FSTL5: variants seen among roughly 807,000 people sequenced by gnomAD.
FSTL5 encodes follistatin like 5.
In FSTL5, 62 loss-of-function variants were observed where a neutral mutation model predicts 89.1. The ratio of observed to expected loss-of-function variants is 0.70; its 90% CI spans 0.57 to 0.86. The LOEUF is 0.86. Among genes scored for constraint, FSTL5 ranks in the 40% least tolerant of loss-of-function variants. The probability of loss-of-function intolerance (pLI) is 0.00; values close to 1 mark genes in which losing one functional copy is unlikely to be tolerated. For missense variants in FSTL5, 1,057 were observed against 1,001.6 expected, an observed-to-expected ratio of 1.06 and a Z score of -0.75; for synonymous variants, 383 against 346.2, an observed-to-expected ratio of 1.11 and a Z score of -1.18.
intron 6 of FSTL5, among the ~76,000 whole-genome samples, chr4:161,659,643 C>A (rs183157405): frequency 5.9e-5 from 9 of 152,178 alleles, no homozygotes; most frequent in Admixed American, 4.6e-4. Context: ...AAAACAACAG[C>A]TATGAATCAA....
At chr4:161,767,413 C>T (rs1741051186) in intron 5 of FSTL5, among the ~76,000 whole-genome samples, 1 of 152,126 alleles carries the variant, frequency 6.6e-6, no homozygotes, top group South Asian at 2.1e-4. Flanking sequence ...TTTGTCGAGG[C>T]TTTTCAGGGA....
intron 3 of FSTL5, among the ~76,000 whole-genome samples, chr4:161,996,385 A>G (rs1736294799): frequency 6.6e-6 from 1 of 152,098 alleles, no homozygotes; most frequent in Non-Finnish European, 1.5e-5. Context: ...AGTCATCTAC[A>G]TCTCTTCCTT....
chr4:161,888,306 C>A (rs919129463), intron 4 of FSTL5, among the ~76,000 whole-genome samples: 2 of 152,048 alleles, frequency 1.3e-5, no homozygotes, highest in South Asian at 4.1e-4. Flanking sequence ...CTTGCCCATT[C>A]ACTTGGTGAA....
At chr4:161,719,296 C>T (rs984052600) in intron 6 of FSTL5, among the ~76,000 whole-genome samples, 5 of 152,052 alleles carry the variant, frequency 3.3e-5, no homozygotes, top group Non-Finnish European at 5.9e-5. Context: ...ATTTAATTGG[C>T]CTATATGCCT....
intron 1 of FSTL5, among the ~76,000 whole-genome samples, chr4:162,157,409 A>G (rs1333972855): frequency 6.6e-6 from 1 of 152,070 alleles, no homozygotes; most frequent in African/African-American, 2.4e-5. Flanking sequence ...TGTCCAGCAG[A>G]CCTTTGTAAA....
intron 4 of FSTL5, among the ~76,000 whole-genome samples, chr4:161,811,467 G>A (rs1730144469): frequency 6.6e-6 from 1 of 152,010 alleles, no homozygotes; most frequent in Non-Finnish European, 1.5e-5. Flanking sequence ...CATCAAAATT[G>A]AATCTAAATT....
chr4:161,388,983 C>T (rs1730734543), intron 15 of FSTL5, among the ~76,000 whole-genome samples: 1 of 152,088 alleles, frequency 6.6e-6, no homozygotes, highest in Admixed American at 6.6e-5. Context: ...AAAATTACAT[C>T]TATTTTAGCA....
intron 4 of FSTL5, among the ~76,000 whole-genome samples, chr4:161,909,264 G>A (rs935844310): frequency 3.3e-5 from 5 of 152,108 alleles, no homozygotes; most frequent in African/African-American, 7.2e-5. Context: ...ACAATAAAGC[G>A]GACATAACAT....
At chr4:161,859,610 A>T (rs1731835384) in intron 4 of FSTL5, among the ~76,000 whole-genome samples, 1 of 152,238 alleles carries the variant, frequency 6.6e-6, no homozygotes, top group Admixed American at 6.5e-5. Flanking sequence ...ATTCAAACTG[A>T]TCAGCTATGT....
intron 1 of FSTL5, among the ~76,000 whole-genome samples, chr4:162,115,026 A>G (rs1561026975): frequency 6.6e-6 from 1 of 152,284 alleles, no homozygotes; most frequent in East Asian, 1.9e-4. Flanking sequence ...ACTAATATTA[A>G]AAGTCAGATC....
Position 161,415,653 on chromosome 4 carries a change from C to CATAT in FSTL5, c.1842-29208_1842-29205dup, listed in dbSNP as rs200742664. The stretch of plus-strand genomic sequence containing the variant: ...GAGATATGTTGTATTATAGGGGATA[C>CATAT]ATATATATATAGAGAGAGAGAGAGA... On this transcript the variant is annotated intron_variant, in intron 15 of 15. Coordinates refer to ENST00000306100, the MANE Select transcript of FSTL5 (RefSeq NM_020116.5). 7.6e-4 allele frequency among the ~76,000 whole-genome samples: 112 copies of CATAT among 147,872 alleles called. 1 individual carries two copies. Among genetic ancestry groups the CATAT allele is most frequent in the African/African-American group, 2.0e-3 (78 of 39,998 alleles).
chr4:162,126,866 A>T (rs928466709), intron 1 of FSTL5, among the ~76,000 whole-genome samples: 1 of 152,088 alleles, frequency 6.6e-6, no homozygotes, highest in Non-Finnish European at 1.5e-5. Context: ...GACAGATGGT[A>T]CGTGTTTGTC....
At chr4:161,506,937 A>G (rs1158681745) in intron 11 of FSTL5, among the ~76,000 whole-genome samples, 1 of 152,172 alleles carries the variant, frequency 6.6e-6, no homozygotes, top group Admixed American at 6.5e-5. Flanking sequence ...ATAAATTTAG[A>G]AAGAATAAAA....
At chr4:162,137,033 T>G (rs1232733719) in intron 1 of FSTL5, among the ~76,000 whole-genome samples, 1 of 152,066 alleles carries the variant, frequency 6.6e-6, no homozygotes, top group East Asian at 1.9e-4. Flanking sequence ...TAGTGGGTAT[T>G]AAGCAAAACA....
chr4:161,566,097 G>T (rs1326153075), intron 8 of FSTL5, among the ~76,000 whole-genome samples: 115 of 23,394 alleles, frequency 4.9e-3, no homozygotes, highest in Middle Eastern at 0.031. Flanking sequence ...CTTTTTTTTT[G>T]GACTATATAT....
intron 10 of FSTL5, among the ~76,000 whole-genome samples, chr4:161,512,344 T>C (rs1466182289): frequency 6.6e-6 from 1 of 152,114 alleles, no homozygotes; most frequent in Admixed American, 6.6e-5. Context: ...ATAGAACCTA[T>C]ATTCTAATTG....
At chr4:161,526,948 A>G (rs978871595) in intron 10 of FSTL5, among the ~76,000 whole-genome samples, 1 of 152,080 alleles carries the variant, frequency 6.6e-6, no homozygotes, top group African/African-American at 2.4e-5. Context: ...TTGGTGCCAT[A>G]TGAACTTTAG....
chr4:161,660,502 C>T (rs7698343), intron 6 of FSTL5, among the ~76,000 whole-genome samples: 30,336 of 151,948 alleles, frequency 0.2, 3,197 homozygotes, highest in Middle Eastern at 0.34. Flanking sequence ...TTCAGGGATA[C>T]ATGTATGGGT....
intron 11 of FSTL5, 59 bp from the exon 12 acceptor site, chr4:161,500,193 C>A: frequency 1.8e-6 from 2 of 1,131,648 alleles, no homozygotes; most frequent in Non-Finnish European, 1.3e-6. Flanking sequence ...CCTTTACAAC[C>A]AAAATTCAGT....
Sources: gnomAD v4.1 joint callset for allele counts (sites outside exome capture counted in the v4.1 genomes callset) on GRCh38, gnomAD v4.1.1 for gene constraint, MANE v1.5 for transcripts, NCBI Gene and HGNC (gene_info 2026-07-23, HGNC 2026-07-21) for gene names.